Variants in LAMA1 observed in about 807,000 individuals in gnomAD.
The protein encoded by LAMA1 is laminin subunit alpha 1, also known as laminin subunit alpha-1.
Under a neutral mutation model 348.7 loss-of-function variants are expected in LAMA1, and 219 were observed. The observed-to-expected ratio is 0.63, with a 90% CI of 0.56 to 0.70. The LOEUF is 0.70. Among genes scored for constraint, LAMA1 ranks in the 30% least tolerant of loss-of-function variants. The pLI, the probability that LAMA1 is intolerant of heterozygous loss-of-function variation, is 0.00. For missense variants in LAMA1, 3,744 were observed against 3,888.0 expected (o/e 0.96, Z 0.99); for synonymous variants, 1,487 against 1,491.0 (o/e 1.00, Z 0.06).
At chr18:6,945,071 CA>C (rs1292881227) in intron 61 of LAMA1, among the ~76,000 whole-genome samples, 1 of 151,894 alleles carries the variant, frequency 6.6e-6, no homozygotes, top group Non-Finnish European at 1.5e-5. Context: ...AAATATTTTT[CA>C]AAAATAGAGA....
chr18:7,062,655 C>T (rs2058107069), intron 3 of LAMA1, among the ~76,000 whole-genome samples: 1 of 151,882 alleles, frequency 6.6e-6, no homozygotes, highest in Non-Finnish European at 1.5e-5. Context: ...TCTAAAAGGC[C>T]AAAACATGAG....
chr18:6,943,084 G>T, intron 62 of LAMA1, 96 bp downstream of exon 62: 1 of 1,032,208 alleles, frequency 9.7e-7, no homozygotes, highest in Non-Finnish European at 1.5e-6. Flanking sequence ...CCCAAACCAT[G>T]TACCTTTCTC....
rs888647989 is a variant in LAMA1 at position 7,038,713 on chromosome 18, C to T, written c.1563+97G>A. On this transcript the variant is annotated intron_variant, in intron 11 of 62. Coordinates refer to ENST00000389658, the MANE Select transcript of LAMA1 (RefSeq NM_005559.4). The stretch of plus-strand genomic sequence containing the variant: ...TTGCATAGCGATGAGAGTGGTGTCA[C>T]GGGAAGTCATCCTCATTTCCTCCTC... 1.8e-4 allele frequency: 270 copies of T among 1,511,780 alleles called. 1 individual carries two copies. The Middle Eastern group carries it at 1.8e-3, about 10-fold the overall frequency. 93.6% of individuals were successfully genotyped at this position (1,511,780 alleles called of 1,614,324 possible).
chr18:7,107,638 C>T (rs2058317742), intron 1 of LAMA1, among the ~76,000 whole-genome samples: 1 of 152,018 alleles, frequency 6.6e-6, no homozygotes, highest in Non-Finnish European at 1.5e-5. Context: ...AATGAATGAT[C>T]AAGTGCATGA....
intron 30 of LAMA1, among the ~76,000 whole-genome samples, chr18:7,000,691 G>A (rs1212742931): frequency 6.6e-6 from 1 of 152,110 alleles, no homozygotes; most frequent in Non-Finnish European, 1.5e-5. Context: ...CCATCTAGAG[G>A]CTGAGCTGGG....
At chr18:6,991,580 G>A (rs534658408) in intron 36 of LAMA1, among the ~76,000 whole-genome samples, 9 of 151,710 alleles carry the variant, frequency 5.9e-5, no homozygotes, top group South Asian at 2.1e-4. Flanking sequence ...TAGTAGAGAC[G>A]GGTTTTGCCT....
chr18:7,082,943 T>C (rs1489390168), intron 1 of LAMA1, among the ~76,000 whole-genome samples: 2 of 143,980 alleles, frequency 1.4e-5, no homozygotes, highest in Non-Finnish European at 2.9e-5. Flanking sequence ...CCCCACTACC[T>C]CCCAATCTGA....
intron 3 of LAMA1, among the ~76,000 whole-genome samples, chr18:7,077,999 G>A (rs1183932234): frequency 6.7e-6 from 1 of 148,302 alleles, no homozygotes; most frequent in Non-Finnish European, 1.5e-5. Flanking sequence ...GGGAGGCAGA[G>A]GTTGCAGTGA....
intron 1 of LAMA1, among the ~76,000 whole-genome samples, chr18:7,094,546 A>T (rs553383678): frequency 3.3e-5 from 5 of 152,226 alleles, no homozygotes; most frequent in African/African-American, 1.2e-4. Flanking sequence ...CTGCTTCATA[A>T]GCTCTCACTC....
intron 36 of LAMA1, 113 bp from the exon 37 acceptor site, chr18:6,986,460 G>A: frequency 2.2e-6 from 2 of 898,440 alleles, no homozygotes. Context: ...TTTTGAAATT[G>A]TAAGTGATAC....
chr18:7,056,925 G>C (rs2058084402), intron 3 of LAMA1, among the ~76,000 whole-genome samples: 1 of 151,276 alleles, frequency 6.6e-6, no homozygotes, highest in Admixed American at 6.6e-5. Context: ...AGACTGGAGT[G>C]CAGTGGCATG....
chr18:7,055,540 A>G (rs2058078363), intron 3 of LAMA1, among the ~76,000 whole-genome samples: 1 of 149,810 alleles, frequency 6.7e-6, no homozygotes, highest in Non-Finnish European at 1.5e-5. Flanking sequence ...TTGTTAATTT[A>G]CTGAGTCTTA....
intron 5 of LAMA1, among the ~76,000 whole-genome samples, chr18:7,046,987 C>T (rs1353066508): frequency 6.6e-6 from 1 of 151,184 alleles, no homozygotes; most frequent in East Asian, 1.9e-4. Flanking sequence ...TTTCTACATA[C>T]ATAATCATGT....
intron 12 of LAMA1, among the ~76,000 whole-genome samples, chr18:7,037,320 C>T (rs940048910): frequency 5.3e-5 from 8 of 152,110 alleles, no homozygotes; most frequent in Admixed American, 1.3e-4. Context: ...ATCTCAGAGA[C>T]GGGGATGAGA....
chr18:6,954,814 A>C (rs2057567231), intron 57 of LAMA1: 1 of 199,808 alleles, frequency 5.0e-6, no homozygotes, highest in South Asian at 9.3e-5. Flanking sequence ...CTGGCAGGTG[A>C]GCTGGAGGAC....
Position 6,966,245 on chromosome 18 carries a change from C to A in LAMA1, c.6952G>T (p.Val2318Leu), listed in dbSNP as rs750029622. 3 of 1,613,752 alleles carry A rather than the reference C, an allele frequency of 1.9e-6. No individual in the cohort carries two copies. The African/African-American group carries it at 4.0e-5, about 22-fold the overall frequency. Residue 2318 changes from valine to leucine, a missense_variant, in exon 49 of 63, where the codon GTG (valine) becomes TTG (leucine). Val to Leu is a conservative substitution (Grantham distance 32, BLOSUM62 1). Around this residue, in one of 3 missense-constraint regions of LAMA1, gnomAD observed 1,983 missense variants for 1,934.3 expected, o/e 1.03. Transcript: ENST00000389658. Reference sequence around the variant, plus strand: ...ACGGTAGCCGGAAGTGACTTCTCCACGACAGAGTACCCACTCCCGTCAAAA... The same window carrying A: ...ACGGTAGCCGGAAGTGACTTCTCCAAGACAGAGTACCCACTCCCGTCAAAA... ...FHFDGSGYSV[V>L]EKSLPATVTQ...
chr18:6,957,229 G>A, intron 55 of LAMA1: 1 of 210,126 alleles, frequency 4.8e-6, no homozygotes. Flanking sequence ...GCTGTGTCCT[G>A]TGCCTGCGCA....
chr18:7,097,472 T>C (rs1462735842), intron 1 of LAMA1, among the ~76,000 whole-genome samples: 1 of 148,956 alleles, frequency 6.7e-6, no homozygotes, highest in Non-Finnish European at 1.5e-5. Context: ...GTAGGTTCCA[T>C]CCAATTGCTA....
chr18:6,973,305 A>G (rs563906861), intron 46 of LAMA1, 98 bp from the exon 47 acceptor site: 1 of 1,148,436 alleles, frequency 8.7e-7, no homozygotes, highest in Non-Finnish European at 1.3e-6. Context: ...CTTCTCCCCA[A>G]GGGCCCTGCA....
Sources: gnomAD v4.1 joint callset for allele counts (sites outside exome capture counted in the v4.1 genomes callset) on GRCh38, gnomAD v4.1.1 for gene constraint, gnomAD v4.1.1 regional missense constraint, MANE v1.5 for transcripts, NCBI Gene and HGNC (gene_info 2026-07-23, HGNC 2026-07-21) for gene names.